KCNN2: variants seen among roughly 807,000 people sequenced by gnomAD.
KCNN2 encodes the protein potassium calcium-activated channel subfamily N member 2, also known as small conductance calcium-activated potassium channel protein 2.
In KCNN2, 24 loss-of-function variants were observed where a neutral mutation model predicts 55.5. The ratio of observed to expected loss-of-function variants is 0.43; its 90% CI spans 0.31 to 0.61. KCNN2 has a LOEUF of 0.61. KCNN2 is among the 20% of genes least tolerant of loss of function. The pLI is 0.08. For missense variants in KCNN2, 754 were observed against 853.6 expected (o/e 0.88, Z 1.45); for synonymous variants, 431 against 336.1 (o/e 1.28, Z -3.09).
intron 2 of KCNN2, among the ~76,000 whole-genome samples, chr5:114,392,171 T>G (rs148693094): frequency 6.6e-6 from 1 of 152,298 alleles, no homozygotes; most frequent in East Asian, 1.9e-4. Context: ...AGCCACTTGA[T>G]AGTGTTGCCT....
In KCNN2 at chr5:114,259,808, T is replaced by C. The variant is rs6870840; in HGVS notation, c.-185+38243T>C. 7.2e-3 allele frequency among the ~76,000 whole-genome samples: 1,099 copies of C among 152,298 alleles called. 20 individuals are homozygous for C. Among genetic ancestry groups the C allele is most frequent in the African/African-American group, 0.024 (992 of 41,574 alleles). ...AGCCTCTTGTTTCCTTCTTTTGCTG[T>C]GCCCCAGCTTCTTCCCTGAGGTCTT... On this transcript the variant is annotated intron_variant, in intron 2 of 10. Coordinates refer to the KCNN2 transcript ENST00000512097.
intron 1 of KCNN2, among the ~76,000 whole-genome samples, chr5:114,090,086 G>A (rs1188682361): frequency 6.6e-6 from 1 of 152,146 alleles, no homozygotes; most frequent in Non-Finnish European, 1.5e-5. Context: ...ATTTCAGTGT[G>A]TGAACTATAC....
At chr5:114,218,135 G>A (rs150289884) in intron 1 of KCNN2, among the ~76,000 whole-genome samples, 2 of 152,300 alleles carry the variant, frequency 1.3e-5, no homozygotes, top group Non-Finnish European at 2.9e-5. Flanking sequence ...ATTGCTAGTG[G>A]GAATACAAAA....
At chr5:114,165,900 C>A (rs1456646348) in intron 1 of KCNN2, among the ~76,000 whole-genome samples, 1 of 152,012 alleles carries the variant, frequency 6.6e-6, no homozygotes, top group African/African-American at 2.4e-5. Flanking sequence ...GCGTCCCTAA[C>A]CCCACATTTT....
chr5:114,142,306 G>A (rs1263306025), intron 1 of KCNN2, among the ~76,000 whole-genome samples: 1 of 152,018 alleles, frequency 6.6e-6, no homozygotes, highest in Non-Finnish European at 1.5e-5. Context: ...ATTAATTTTT[G>A]TATAAGGTGT....
rs1193889889 is a variant in KCNN2, at chr5:114,288,491, T to TACACACAC, written c.-185+66927_-185+66928insCACACACA. On this transcript the variant is annotated intron_variant, in intron 2 of 10. Transcript: ENST00000512097. ...TTGACATCTTTGCCATTACTTTATATATATATATACACACACACACACACA... is the reference window on the plus strand; with the variant it reads ...TTGACATCTTTGCCATTACTTTATATACACACACATATATATACACACACACACACACA... 2.9e-3 allele frequency among the ~76,000 whole-genome samples: 62 copies of TACACACAC among 21,450 alleles called. 1 individual carries two copies. The highest frequency in any genetic ancestry group is 7.6e-3 in the African/African-American group (61 of 8,076). The allele number at this position is 21,450 out of a possible 152,430, so 14.1% of individuals were successfully genotyped here.
chr5:114,392,675 C>G (rs1183955066), intron 2 of KCNN2, among the ~76,000 whole-genome samples: 2 of 152,086 alleles, frequency 1.3e-5, no homozygotes, highest in Admixed American at 1.3e-4. Flanking sequence ...TCATCTCTCC[C>G]TTTCTGTTTG....
At chr5:114,293,256 C>T (rs1460592837) in intron 2 of KCNN2, among the ~76,000 whole-genome samples, 1 of 152,150 alleles carries the variant, frequency 6.6e-6, no homozygotes, top group African/African-American at 2.4e-5. Flanking sequence ...GAGAGGGCAT[C>T]CCTGTCTTGT....
At chr5:114,381,238 C>G (rs531204519) in intron 2 of KCNN2, among the ~76,000 whole-genome samples, 1 of 152,208 alleles carries the variant, frequency 6.6e-6, no homozygotes, top group African/African-American at 2.4e-5. Context: ...GCTTTTAACA[C>G]TAGTTGTGTT....
chr5:114,311,268 T>C (rs1256433928), intron 2 of KCNN2, among the ~76,000 whole-genome samples: 1 of 152,260 alleles, frequency 6.6e-6, no homozygotes, highest in African/African-American at 2.4e-5. Flanking sequence ...GGTAAAAATG[T>C]AAATAAAATA....
intron 1 of KCNN2, among the ~76,000 whole-genome samples, chr5:114,196,697 T>A (rs1753564560): frequency 6.6e-6 from 1 of 152,124 alleles, no homozygotes; most frequent in Non-Finnish European, 1.5e-5. Flanking sequence ...TTGTTAGCAA[T>A]ATTCTGATTT....
Position 114,362,738 on chromosome 5 carries a change from A to C in KCNN2, c.599A>C (p.Gln200Pro). 1 of 1,537,256 alleles carries C rather than the reference A, an allele frequency of 6.5e-7. No individual in the cohort carries two copies. The highest frequency in any genetic ancestry group is 1.4e-5 in the African/African-American group (1 of 73,404). ...GCGCACCACCAGCACCACCAGCCCCAGGCGCGCCGCGAGAGCAACCCCTTC... is the reference window on the plus strand; with the variant it reads ...GCGCACCACCAGCACCACCAGCCCCCGGCGCGCCGCGAGAGCAACCCCTTC... ...HPAHHQHHQP[Q>P]ARRESNPFTE... The change falls in exon 1 of 8, where the codon CAG becomes CCG. Residue 200 changes from glutamine to proline, a missense_variant. This residue lies in a region of KCNN2 where 381 missense variants were observed against 259.1 expected (regional missense o/e 1.47). Coordinates refer to ENST00000673685, the MANE Select transcript of KCNN2 (RefSeq NM_021614.4).
intron 5 of KCNN2, 65 bp from the exon 6 acceptor site, chr5:114,486,985 C>A: frequency 6.3e-7 from 1 of 1,578,882 alleles, no homozygotes; most frequent in Admixed American, 1.7e-5. Flanking sequence ...GACTATGACC[C>A]CCAGCAAAGT....
At chr5:114,374,667 G>C (rs1446466422) in intron 2 of KCNN2, among the ~76,000 whole-genome samples, 1 of 152,076 alleles carries the variant, frequency 6.6e-6, no homozygotes, top group Non-Finnish European at 1.5e-5. Flanking sequence ...TCTACATTCT[G>C]TCCGTCCTTT....
At chr5:114,188,419 A>G (rs978645173) in intron 1 of KCNN2, among the ~76,000 whole-genome samples, 1 of 152,226 alleles carries the variant, frequency 6.6e-6, no homozygotes, top group African/African-American at 2.4e-5. Context: ...TGTCTCAAAA[A>G]GCTAGGGCAT....
intron 2 of KCNN2, among the ~76,000 whole-genome samples, chr5:114,280,193 G>T (rs1755593313): frequency 6.6e-6 from 1 of 152,256 alleles, no homozygotes; most frequent in Non-Finnish European, 1.5e-5. Flanking sequence ...GTAGATTCTG[G>T]ATATTAGCCC....
intron 3 of KCNN2, among the ~76,000 whole-genome samples, chr5:114,425,711 C>T (rs1199555167): frequency 6.6e-6 from 1 of 152,134 alleles, no homozygotes; most frequent in Non-Finnish European, 1.5e-5. Flanking sequence ...CTGAATTCAA[C>T]CACTTCTTAG....
intron 1 of KCNN2, among the ~76,000 whole-genome samples, chr5:114,079,083 C>G (rs1383555077): frequency 1.3e-5 from 2 of 152,054 alleles, no homozygotes; most frequent in African/African-American, 4.8e-5. Flanking sequence ...CAAATATACC[C>G]TAATTCCTAA....
At chr5:114,351,520 T>C (rs981976340) in intron 2 of KCNN2, among the ~76,000 whole-genome samples, 8 of 151,780 alleles carry the variant, frequency 5.3e-5, no homozygotes, top group Non-Finnish European at 1.0e-4. Flanking sequence ...TTCTCTCATA[T>C]CGATCTTAAG....
Sources: gnomAD v4.1 joint callset for allele counts (sites outside exome capture counted in the v4.1 genomes callset) on GRCh38, gnomAD v4.1.1 for gene constraint, gnomAD v4.1.1 regional missense constraint, MANE v1.5 for transcripts, NCBI Gene and HGNC (gene_info 2026-07-23, HGNC 2026-07-21) for gene names.